The following ERBB4 variants were observed in gnomAD, a reference collection of about 807,000 sequenced individuals.
ERBB4 encodes the protein receptor tyrosine-protein kinase erbB-4.
In ERBB4, 42 loss-of-function variants were observed where a neutral mutation model predicts 158.0. That is an observed-to-expected ratio of 0.27 (90% CI 0.21 to 0.34). The LOEUF is 0.34. Ranked by LOEUF, ERBB4 falls within the 10% of genes least tolerant of loss-of-function variation. ERBB4 has a pLI of 1.00. For synonymous variants in ERBB4, 583 were observed against 558.7 expected, an observed-to-expected ratio of 1.04 and a Z score of -0.61; for missense variants, 1,333 against 1,624.1, an observed-to-expected ratio of 0.82 and a Z score of 3.08.
At chr2:212,422,739 C>A (rs1427476513) in intron 1 of ERBB4, among the ~76,000 whole-genome samples, 1 of 152,154 alleles carries the variant, frequency 6.6e-6, no homozygotes, top group East Asian at 1.9e-4. Flanking sequence ...AGATTCTATT[C>A]ATGAAACCAT....
chr2:212,080,813 T>C (rs901498939), intron 2 of ERBB4, among the ~76,000 whole-genome samples: 1 of 152,156 alleles, frequency 6.6e-6, no homozygotes, highest in Non-Finnish European at 1.5e-5. Context: ...TCCTTCCCCA[T>C]TACATCTGAA....
intron 19 of ERBB4, among the ~76,000 whole-genome samples, chr2:211,571,915 C>T (rs16846497): frequency 0.012 from 1,807 of 152,212 alleles, 32 homozygotes; most frequent in African/African-American, 0.041. Flanking sequence ...TTTTCCCATA[C>T]GAGCTTGCCT....
chr2:212,003,216 G>GGAAGAAAGAAA (rs1559294277), intron 2 of ERBB4, among the ~76,000 whole-genome samples: 2 of 34,474 alleles, frequency 5.8e-5, no homozygotes, highest in Admixed American at 5.9e-4. Flanking sequence ...ACAGAAAGAA[G>GGAAGAAAGAAA]GAAGGAAGGA....
intron 16 of ERBB4, among the ~76,000 whole-genome samples, chr2:211,634,368 TA>T: frequency 6.6e-6 from 1 of 152,344 alleles, no homozygotes. Context: ...ATTTGATTAC[TA>T]TTATGTTTCT....
chr2:211,429,826 A>T (rs2063711895), intron 21 of ERBB4, among the ~76,000 whole-genome samples: 1 of 152,218 alleles, frequency 6.6e-6, no homozygotes, highest in African/African-American at 2.4e-5. Context: ...AATCACAGGT[A>T]GCTTGATAAA....
intron 1 of ERBB4, among the ~76,000 whole-genome samples, chr2:212,532,323 T>C (rs1374999829): frequency 6.6e-6 from 1 of 152,208 alleles, no homozygotes; most frequent in African/African-American, 2.4e-5. Context: ...AGTGAGGGAA[T>C]GTCAACGGCA....
chr2:212,089,647 C>T (rs2078716221), intron 2 of ERBB4, among the ~76,000 whole-genome samples: 1 of 152,274 alleles, frequency 6.6e-6, no homozygotes, highest in Middle Eastern at 3.4e-3. Context: ...CCCACTTTGA[C>T]TTCTGCCATG....
At chr2:211,589,673 A>C (rs2068400768) in intron 19 of ERBB4, among the ~76,000 whole-genome samples, 1 of 152,152 alleles carries the variant, frequency 6.6e-6, no homozygotes, top group South Asian at 2.1e-4. Flanking sequence ...ACGAATAGCT[A>C]ATTTTTTAAT....
At chr2:212,509,600 TA>T (rs1273710713) in intron 1 of ERBB4, among the ~76,000 whole-genome samples, 1 of 152,056 alleles carries the variant, frequency 6.6e-6, no homozygotes, top group East Asian at 1.9e-4. Context: ...TCCATATTCC[TA>T]ATATAGAATA....
rs114483115 is a variant in ERBB4, at chr2:212,200,136, T to C, written c.83-75233A>G. The stretch of plus-strand genomic sequence containing the variant: ...TCTCACAAATCAGTAATGGTCTCCA[T>C]TTAACTAAGAACCCCTTCTTCCAGA... On this transcript the variant is annotated intron_variant, in intron 1 of 27. Coordinates refer to ENST00000342788, the MANE Select transcript of ERBB4 (RefSeq NM_005235.3). 6.0e-3 allele frequency among the ~76,000 whole-genome samples: 919 copies of C among 152,274 alleles called. 10 individuals carry two copies. The highest frequency in any genetic ancestry group is 0.021 in the African/African-American group (882 of 41,576).
rs974850839 is a variant in ERBB4, at chr2:212,288,544, C to A, written c.83-163641G>T. On this transcript the variant is annotated intron_variant, in intron 1 of 27. Coordinates refer to ENST00000342788, the MANE Select transcript of ERBB4 (RefSeq NM_005235.3). ...TGCAGTGGGGAGGAGCCTGGCCTCT[C>A]CTGTTGCAGCATAGTAACCTGGAAT... Among the ~76,000 whole-genome samples, 3 of 152,050 alleles carry A rather than the reference C, an allele frequency of 2.0e-5. No homozygotes were observed. The East Asian group carries it at 5.8e-4, about 30-fold the overall frequency.
At chr2:211,777,303 C>T (rs1167929095) in intron 4 of ERBB4, 2 of 152,122 alleles carry the variant, frequency 1.3e-5, no homozygotes, top group Non-Finnish European at 2.9e-5. Flanking sequence ...CAATTCTATC[C>T]ATTATAGTGG....
intron 20 of ERBB4, among the ~76,000 whole-genome samples, chr2:211,537,573 G>A (rs1201314800): frequency 2.0e-5 from 3 of 151,890 alleles, no homozygotes; most frequent in African/African-American, 7.2e-5. Flanking sequence ...GTACTTTTAT[G>A]TTACCACACT....
At chr2:212,196,408 G>T (rs1209043427) in intron 1 of ERBB4, among the ~76,000 whole-genome samples, 1 of 151,940 alleles carries the variant, frequency 6.6e-6, no homozygotes, top group African/African-American at 2.4e-5. Flanking sequence ...GCCCTCTTAG[G>T]GATGGCAGAG....
intron 1 of ERBB4, among the ~76,000 whole-genome samples, chr2:212,214,492 A>G (rs1277515083): frequency 2.6e-5 from 4 of 151,834 alleles, no homozygotes; most frequent in Non-Finnish European, 5.9e-5. Context: ...TTATATTTCC[A>G]AGGTCCATAA....
chr2:212,518,893 T>G (rs1575071295), intron 1 of ERBB4, among the ~76,000 whole-genome samples: 1 of 151,976 alleles, frequency 6.6e-6, no homozygotes, highest in Non-Finnish European at 1.5e-5. Context: ...AATAGTTGCA[T>G]GTCAGGCAAT....
intron 1 of ERBB4, among the ~76,000 whole-genome samples, chr2:212,501,176 A>G (rs924704027): frequency 6.6e-6 from 1 of 152,172 alleles, no homozygotes; most frequent in Admixed American, 6.6e-5. Flanking sequence ...ATCTAATGAC[A>G]CAAAGTACAC....
At chr2:211,710,618 T>C (rs1025216970) in intron 9 of ERBB4, among the ~76,000 whole-genome samples, 3 of 152,134 alleles carry the variant, frequency 2.0e-5, no homozygotes, top group African/African-American at 7.2e-5. Flanking sequence ...AAATATCATA[T>C]TGAATTGTAG....
chr2:211,562,193 T>A, intron 19 of ERBB4, 105 bp from the exon 20 acceptor site: 1 of 895,086 alleles, frequency 1.1e-6, no homozygotes, highest in Admixed American at 1.9e-5. Flanking sequence ...AATGTACTCT[T>A]ACTCAATGGA....
Sources: gnomAD v4.1 joint callset for allele counts (sites outside exome capture counted in the v4.1 genomes callset) on GRCh38, gnomAD v4.1.1 for gene constraint, MANE v1.5 for transcripts, NCBI Gene and HGNC (gene_info 2026-07-23, HGNC 2026-07-21) for gene names.